Variants in SLC44A5 observed in about 807,000 individuals in gnomAD.
The protein encoded by SLC44A5 is solute carrier family 44 member 5, also known as choline transporter-like protein 5.
Under a neutral mutation model 101.8 loss-of-function variants are expected in SLC44A5, and 57 were observed. The observed-to-expected ratio is 0.56, with a 90% CI of 0.45 to 0.70. SLC44A5 has a LOEUF of 0.70. Ranked by LOEUF, SLC44A5 falls within the 30% of genes least tolerant of loss-of-function variation. The probability of loss-of-function intolerance (pLI) is 0.00; values close to 1 mark genes in which losing one functional copy is unlikely to be tolerated. For synonymous variants in SLC44A5, 281 were observed against 290.9 expected (o/e 0.97, Z 0.35); for missense variants, 737 against 853.1 (o/e 0.86, Z 1.70).
At chr1:75,712,992 T>G in the SLC44A5 span, among the ~76,000 whole-genome samples, 1 of 152,138 alleles carries the variant, frequency 6.6e-6, no homozygotes, top group African/African-American at 2.4e-5. Context: ...CTTCAAAAGC[T>G]CACTCCACGA....
At chr1:75,618,386 C>T in the SLC44A5 span, among the ~76,000 whole-genome samples, 2 of 152,196 alleles carry the variant, frequency 1.3e-5, no homozygotes, top group Non-Finnish European at 2.9e-5. Flanking sequence ...ATTAAGGCCA[C>T]AACTACCCAG....
intron 1 of SLC44A5, among the ~76,000 whole-genome samples, chr1:75,608,491 G>A (rs370380042): frequency 1.6e-4 from 25 of 152,066 alleles, no homozygotes; most frequent in East Asian, 1.2e-3. Context: ...CACAGTCGCC[G>A]TAGCAATTAT....
the SLC44A5 span, among the ~76,000 whole-genome samples, chr1:75,665,030 GC>G: frequency 6.6e-6 from 1 of 151,720 alleles, no homozygotes; most frequent in Non-Finnish European, 1.5e-5. Context: ...TGGCCATACT[GC>G]CCAAAGCAAT....
chr1:75,615,637 G>A (rs925427359), upstream of SLC44A5, among the ~76,000 whole-genome samples: 14 of 152,074 alleles, frequency 9.2e-5, no homozygotes, highest in Non-Finnish European at 1.6e-4. Flanking sequence ...GGTTTCCCCA[G>A]GTTGCAAAAG....
rs1214200907 is a variant in SLC44A5 at position 75,391,459 on chromosome 1, T to A, written c.52+5124A>T. Among the ~76,000 whole-genome samples the A allele has an allele frequency of 3.3e-5, 5 of 152,248 alleles. No homozygotes were observed. In the South Asian group the frequency reaches 1.0e-3, roughly 32 times the overall value. On this transcript the variant is annotated intron_variant, in intron 3 of 23. Transcript: ENST00000370859. ...ACCCAACTTCAGACATCACATTACC[T>A]AATTTCAAACTATACTATAAGGCTA... is the stretch of plus-strand genomic sequence containing the variant.
intron 1 of SLC44A5, 119 bp from the exon 2 acceptor site, chr1:75,541,635 G>C (rs1671360081): frequency 1.8e-6 from 1 of 554,902 alleles, no homozygotes; most frequent in Non-Finnish European, 3.1e-6. Flanking sequence ...CAAAAACTCA[G>C]AGAATTAGCC....
chr1:75,265,147 T>C (rs1245446155), intron 6 of SLC44A5, among the ~76,000 whole-genome samples: 4 of 152,184 alleles, frequency 2.6e-5, no homozygotes, highest in Non-Finnish European at 5.9e-5. Flanking sequence ...CAGGACCAGA[T>C]GGTTTCACTG....
At chr1:75,464,245 CA>C (rs1202762542) in intron 2 of SLC44A5, among the ~76,000 whole-genome samples, 13 of 127,282 alleles carry the variant, frequency 1.0e-4, no homozygotes, top group Non-Finnish European at 1.3e-4. Context: ...AAAAAAAAAG[CA>C]AGAAAGAAGA....
intron 5 of SLC44A5, among the ~76,000 whole-genome samples, chr1:75,294,650 G>A (rs1467488533): frequency 1.3e-5 from 2 of 151,944 alleles, no homozygotes; most frequent in African/African-American, 2.4e-5. Flanking sequence ...GTGTGTGTAT[G>A]TATACATACA....
At chr1:75,517,630 C>T (rs1669909110) in intron 2 of SLC44A5, among the ~76,000 whole-genome samples, 1 of 152,082 alleles carries the variant, frequency 6.6e-6, no homozygotes, top group Non-Finnish European at 1.5e-5. Context: ...GATCTGACTG[C>T]ATGCAACAGG....
intron 2 of SLC44A5, among the ~76,000 whole-genome samples, chr1:75,465,201 A>G (rs2101709271): frequency 6.6e-6 from 1 of 152,274 alleles, no homozygotes; most frequent in South Asian, 2.1e-4. Flanking sequence ...TCTGTACACA[A>G]TGGAATAAAA....
chr1:75,350,797 G>A lies in SLC44A5; in HGVS notation c.53-11167C>T, dbSNP rs200331383. Among the ~76,000 whole-genome samples the A allele has an allele frequency of 5.4e-5, 8 of 148,760 alleles. No individual in the cohort carries two copies. The East Asian group carries it at 1.7e-3, about 31-fold the overall frequency. The stretch of plus-strand genomic sequence containing the variant: ...TAATCCCAGCTACTTGGGAGGCTGA[G>A]AAAGGAGAATCGCTTTAACCCAGGA... On this transcript the variant is annotated intron_variant, in intron 3 of 23. Coordinates refer to ENST00000370859, the MANE Select transcript of SLC44A5 (RefSeq NM_001130058.2).
intron 3 of SLC44A5, among the ~76,000 whole-genome samples, chr1:75,386,730 A>G: frequency 6.7e-6 from 1 of 149,216 alleles, no homozygotes; most frequent in South Asian, 2.1e-4. Flanking sequence ...ATATGGAACC[A>G]AAAAAGAGCC....
chr1:75,710,466 AG>A, the SLC44A5 span: 2 of 141,792 alleles, frequency 1.4e-5, no homozygotes, highest in African/African-American at 5.2e-5. Flanking sequence ...TGGGAGGCTG[AG>A]GTGAGAGAAT....
the SLC44A5 span, among the ~76,000 whole-genome samples, chr1:75,695,123 T>A: frequency 6.6e-6 from 1 of 152,204 alleles, no homozygotes; most frequent in Admixed American, 6.5e-5. Flanking sequence ...ACTTAATTTA[T>A]GTCACCAAAT....
At chr1:75,499,429 T>C (rs964728962) in intron 2 of SLC44A5, among the ~76,000 whole-genome samples, 7 of 152,200 alleles carry the variant, frequency 4.6e-5, no homozygotes, top group Non-Finnish European at 8.8e-5. Flanking sequence ...TAATGCCTGC[T>C]TGCCTGCCAC....
At chr1:75,369,722 A>G (rs1032061946) in intron 3 of SLC44A5, among the ~76,000 whole-genome samples, 1 of 152,182 alleles carries the variant, frequency 6.6e-6, no homozygotes, top group African/African-American at 2.4e-5. Flanking sequence ...TTTCTATTAA[A>G]TGTGGTTCTT....
rs1316340419 is a variant in SLC44A5, at chr1:75,285,615, G to A, written c.176-10573C>T. 2.0e-5 allele frequency among the ~76,000 whole-genome samples: 3 copies of A among 151,928 alleles called. No individual in the cohort carries two copies. In the East Asian group the frequency reaches 5.8e-4, roughly 29 times the overall value. ...TGATGTCAGCATTTAATGCTATGAA[G>A]AGTCATCTTAGCACCACTTTTGCTG... On this transcript the variant is annotated intron_variant, in intron 5 of 23. Transcript: ENST00000370859.
chr1:75,639,381 T>G, the SLC44A5 span, among the ~76,000 whole-genome samples: 1 of 152,160 alleles, frequency 6.6e-6, no homozygotes, highest in Non-Finnish European at 1.5e-5. Context: ...AGTTCATGTT[T>G]TAATAAAGCC....
Sources: allele counts gnomAD v4.1 joint callset (sites outside exome capture counted in the v4.1 genomes callset), GRCh38; gene constraint gnomAD v4.1.1; transcripts MANE v1.5; gene names NCBI Gene and HGNC (gene_info 2026-07-23, HGNC 2026-07-21).